ZBTB7C: variants seen among roughly 807,000 people sequenced by gnomAD.
The protein encoded by ZBTB7C is zinc finger and BTB domain-containing protein 7C.
ZBTB7C carries 8 observed loss-of-function variants against 25.7 expected under a neutral mutation model. The ratio of observed to expected loss-of-function variants is 0.31; its 90% confidence interval spans 0.18 to 0.56. The LOEUF (loss-of-function observed/expected upper bound fraction) is 0.56. ZBTB7C is among the 20% of genes least tolerant of loss of function. The probability of loss-of-function intolerance (pLI) is 0.91; values close to 1 mark genes in which losing one functional copy is unlikely to be tolerated. For synonymous variants in ZBTB7C, 394 were observed against 369.0 expected (o/e 1.07, Z -0.78); for missense variants, 824 against 855.2 (o/e 0.96, Z 0.46).
At chr18:48,319,077 A>G (rs542611265) in intron 2 of ZBTB7C, among the ~76,000 whole-genome samples, 63 of 151,794 alleles carry the variant, frequency 4.2e-4, no homozygotes, top group African/African-American at 1.5e-3. Flanking sequence ...TTTTGTGTCA[A>G]TTAACGAGTA....
chr18:48,338,115 A>G (rs961749240), intron 2 of ZBTB7C, 59 bp downstream of exon 2: 1 of 152,136 alleles, frequency 6.6e-6, no homozygotes, highest in Non-Finnish European at 1.5e-5. Flanking sequence ...CTGCAAGCTG[A>G]TATATTCTCC....
intron 3 of ZBTB7C, chr18:48,083,768 G>C: frequency 1.1e-6 from 1 of 920,548 alleles, no homozygotes; most frequent in Non-Finnish European, 1.3e-6. Flanking sequence ...TGTAAATGGT[G>C]GCTGGGTAAG....
At chr18:48,219,424 T>C (rs1421424284) in intron 2 of ZBTB7C, among the ~76,000 whole-genome samples, 1 of 152,208 alleles carries the variant, frequency 6.6e-6, no homozygotes, top group Non-Finnish European at 1.5e-5. Context: ...CATTAATTCA[T>C]TTACTCCCTA....
chr18:48,280,120 T>C (rs1302713470), intron 2 of ZBTB7C, among the ~76,000 whole-genome samples: 1 of 152,198 alleles, frequency 6.6e-6, no homozygotes, highest in Non-Finnish European at 1.5e-5. Flanking sequence ...GTGTGGTCAG[T>C]GCTGTAGGCA....
chr18:48,076,898 G>C (rs371259437), intron 3 of ZBTB7C: 2 of 974,276 alleles, frequency 2.1e-6, no homozygotes, highest in Non-Finnish European at 2.4e-6. Context: ...CCAACAAATC[G>C]AATTCAATCA....
At chr18:48,409,996 TGGGCTCTGCCGACCCGGGGCAGCGGTGCG>T (rs2048365080), upstream of ZBTB7C, among the ~76,000 whole-genome samples, 1 of 116,490 alleles carries the variant, frequency 8.6e-6, no homozygotes, top group African/African-American at 5.5e-5. Context: ...GCGGCAGAGA[TGGGCTCTGCCGACCCGGGGCAGCGGTGCG>T]GCAGAGATGG....
chr18:48,180,766 T>A (rs1003332612), intron 3 of ZBTB7C, among the ~76,000 whole-genome samples: 1 of 152,176 alleles, frequency 6.6e-6, no homozygotes, highest in Admixed American at 6.5e-5. Flanking sequence ...TCCCACCAGG[T>A]GTAGGAACAA....
At chr18:48,332,882 A>G (rs2046373704) in intron 2 of ZBTB7C, among the ~76,000 whole-genome samples, 1 of 151,948 alleles carries the variant, frequency 6.6e-6, no homozygotes, top group African/African-American at 2.4e-5. Flanking sequence ...ATAGTCGAAC[A>G]TGATAAATAT....
chr18:48,058,205 G>A (rs2036992007), intron 3 of ZBTB7C, among the ~76,000 whole-genome samples: 1 of 152,148 alleles, frequency 6.6e-6, no homozygotes, highest in Non-Finnish European at 1.5e-5. Context: ...TTTGTTATTT[G>A]TTATTCTTGT....
intron 3 of ZBTB7C, among the ~76,000 whole-genome samples, chr18:48,178,096 G>A (rs2041745724): frequency 6.6e-6 from 1 of 152,076 alleles, no homozygotes; most frequent in Non-Finnish European, 1.5e-5. Flanking sequence ...CACAGCCCTG[G>A]GGTACTGCAC....
intron 2 of ZBTB7C, among the ~76,000 whole-genome samples, chr18:48,255,704 C>A (rs1599202165): frequency 6.6e-6 from 1 of 152,324 alleles, no homozygotes; most frequent in Non-Finnish European, 1.5e-5. Context: ...ATAAAGCCAA[C>A]CTCCCCAGCT....
At chr18:48,120,044 G>T (rs2039577183) in intron 3 of ZBTB7C, among the ~76,000 whole-genome samples, 1 of 152,148 alleles carries the variant, frequency 6.6e-6, no homozygotes, top group Admixed American at 6.5e-5. Context: ...CTAGGGTGGG[G>T]TCTGAGATGC....
chr18:48,298,572 A>G (rs967763196), intron 2 of ZBTB7C, among the ~76,000 whole-genome samples: 1 of 152,130 alleles, frequency 6.6e-6, no homozygotes, highest in Non-Finnish European at 1.5e-5. Context: ...GATGGCCCAG[A>G]CCAATGCCAC....
chr18:48,059,950 C>T (rs1343769112), intron 3 of ZBTB7C, among the ~76,000 whole-genome samples: 5 of 152,160 alleles, frequency 3.3e-5, no homozygotes, highest in African/African-American at 1.2e-4. Context: ...TTCCTCCTCC[C>T]ACTCTTTTCC....
At chr18:48,273,201 T>G (rs1209232701) in intron 2 of ZBTB7C, among the ~76,000 whole-genome samples, 4 of 152,176 alleles carry the variant, frequency 2.6e-5, no homozygotes, top group Admixed American at 2.6e-4. Context: ...GTTGTCATAC[T>G]TGACACCGAT....
intron 2 of ZBTB7C, among the ~76,000 whole-genome samples, chr18:48,303,991 G>A (rs991315648): frequency 7.9e-5 from 12 of 152,190 alleles, no homozygotes; most frequent in African/African-American, 2.7e-4. Context: ...AGATTCCAGA[G>A]GTGGGAGCTA....
chr18:48,274,686 G>C (rs955597204), intron 2 of ZBTB7C, among the ~76,000 whole-genome samples: 11 of 152,190 alleles, frequency 7.2e-5, no homozygotes, highest in African/African-American at 2.4e-4. Context: ...ATTCTGCCAA[G>C]TCTGGCTGTA....
intron 3 of ZBTB7C, among the ~76,000 whole-genome samples, chr18:48,095,532 T>G (rs902671404): frequency 1.3e-5 from 2 of 152,030 alleles, no homozygotes; most frequent in African/African-American, 4.8e-5. Flanking sequence ...GTCAACATGG[T>G]GAAACCTCAT....
At chr18:48,303,562 A>T (rs2045594874) in intron 2 of ZBTB7C, among the ~76,000 whole-genome samples, 1 of 152,244 alleles carries the variant, frequency 6.6e-6, no homozygotes, top group South Asian at 2.1e-4. Context: ...CTTTGAGTTT[A>T]TCATGGCCAT....
Sources: allele counts gnomAD v4.1 joint callset (sites outside exome capture counted in the v4.1 genomes callset), GRCh38; gene constraint gnomAD v4.1.1; transcripts MANE v1.5; gene names NCBI Gene and HGNC (gene_info 2026-07-23, HGNC 2026-07-21).